Variants in DNAH9 observed in about 807,000 individuals in gnomAD.
DNAH9 encodes DNAH9 variant protein.
DNAH9 carries 345 observed loss-of-function variants against 471.6 expected under a neutral mutation model. That is an observed-to-expected ratio of 0.73 (90% CI 0.67 to 0.80). The LOEUF is 0.80. Ranked by LOEUF, DNAH9 falls within the 30% of genes least tolerant of loss-of-function variation. The pLI is 0.00. For synonymous variants in DNAH9, 2,093 were observed against 2,123.6 expected, an observed-to-expected ratio of 0.99 and a Z score of 0.40; for missense variants, 5,407 against 5,609.2, an observed-to-expected ratio of 0.96 and a Z score of 1.15.
chr17:11,965,598 A>C (rs957031412), intron 68 of DNAH9, among the ~76,000 whole-genome samples: 2 of 152,228 alleles, frequency 1.3e-5, no homozygotes, highest in African/African-American at 4.8e-5. Context: ...CACAAGGAAG[A>C]AAGCAATCAA....
intron 27 of DNAH9, among the ~76,000 whole-genome samples, chr17:11,726,762 C>A (rs557946791): frequency 6.6e-6 from 1 of 152,132 alleles, no homozygotes; most frequent in East Asian, 1.9e-4. Flanking sequence ...AAAATGCCCA[C>A]TGAAGGCTGG....
intron 9 of DNAH9, 81 bp downstream of exon 9, chr17:11,636,865 G>A (rs879234347): frequency 7.9e-7 from 1 of 1,263,448 alleles, no homozygotes; most frequent in Non-Finnish European, 1.1e-6. Context: ...TTTGTTAAAT[G>A]TCCATGTATG....
At chr17:11,807,685 G>T (rs781615936) in intron 43 of DNAH9, 47 bp from the exon 44 acceptor site, 3 of 1,565,138 alleles carry the variant, frequency 1.9e-6, no homozygotes, top group Non-Finnish European at 2.6e-6. Context: ...GCTTCTGACT[G>T]CAGAAAGTCT....
At chr17:11,897,045 A>T (rs12709290) in intron 59 of DNAH9, among the ~76,000 whole-genome samples, 1 of 152,104 alleles carries the variant, frequency 6.6e-6, no homozygotes, top group Non-Finnish European at 1.5e-5. Flanking sequence ...AGCTGAGATC[A>T]CTTTGCGCTC....
At chr17:11,609,017 T>A (rs965869196) in intron 2 of DNAH9, among the ~76,000 whole-genome samples, 1 of 152,186 alleles carries the variant, frequency 6.6e-6, no homozygotes, top group African/African-American at 2.4e-5. Flanking sequence ...AGGCTATGCA[T>A]ATAAATATTA....
intron 56 of DNAH9, among the ~76,000 whole-genome samples, chr17:11,884,078 G>A (rs996497393): frequency 6.6e-6 from 1 of 152,174 alleles, no homozygotes; most frequent in Non-Finnish European, 1.5e-5. Context: ...CAGATAGTGT[G>A]TGGAATTGCC....
intron 67 of DNAH9, among the ~76,000 whole-genome samples, chr17:11,946,507 C>CAA (rs200788637): frequency 6.7e-6 from 1 of 148,452 alleles, no homozygotes; most frequent in African/African-American, 2.5e-5. Flanking sequence ...ACTAAAAATA[C>CAA]AAAAAAAATA....
intron 49 of DNAH9, among the ~76,000 whole-genome samples, chr17:11,837,589 C>G (rs1167282044): frequency 6.6e-6 from 1 of 152,256 alleles, no homozygotes; most frequent in Non-Finnish European, 1.5e-5. Context: ...AAGTTGCTCT[C>G]TCTGCTCCTA....
chr17:11,932,134 T>C lies in DNAH9; in HGVS notation c.12226T>C (p.Tyr4076His), dbSNP rs781430542. Residue 4076 changes from tyrosine to histidine, a missense_variant, in exon 64 of 69, where the codon TAC (tyrosine) becomes CAC (histidine). Physicochemically the swap from Tyr to His is moderately conservative, Grantham distance 83. This residue lies in a region of DNAH9 where 4,636 missense variants were observed against 4,900.3 expected (regional missense o/e 0.95). Coordinates refer to ENST00000262442, the MANE Select transcript of DNAH9 (RefSeq NM_001372.4). The surrounding 1 kb of genome is among the most constrained non-coding windows in gnomAD (Gnocchi z 4.3). ...TGGGCCCCAGGGATGGAATCGCTCATACCCCTTTAACACTGGAGACCTCAC... is the reference window on the plus strand; with the variant it reads ...TGGGCCCCAGGGATGGAATCGCTCACACCCCTTTAACACTGGAGACCTCAC... The part of the protein sequence containing the change: ...KFGPQGWNRS[Y>H]PFNTGDLTIS... 9.9e-6 allele frequency: 16 copies of C among 1,614,156 alleles called. No individual in the cohort carries two copies. Among genetic ancestry groups the C allele is most frequent in the Non-Finnish European group, 1.3e-5 (15 of 1,180,038 alleles).
chr17:11,703,377 G>A (rs899762290), intron 24 of DNAH9, among the ~76,000 whole-genome samples: 15 of 152,156 alleles, frequency 9.9e-5, no homozygotes, highest in African/African-American at 3.6e-4. Flanking sequence ...TTCACAAAGG[G>A]AGTAAATCCC....
At chr17:11,625,399 AT>A (rs1312930184) in intron 6 of DNAH9, among the ~76,000 whole-genome samples, 47 of 152,164 alleles carry the variant, frequency 3.1e-4, no homozygotes, top group Non-Finnish European at 1.2e-4. Flanking sequence ...TCTGAGCCGA[AT>A]TGGGTATCTT....
chr17:11,839,535 T>G (rs990496020), intron 49 of DNAH9, among the ~76,000 whole-genome samples: 23 of 149,574 alleles, frequency 1.5e-4, no homozygotes, highest in African/African-American at 3.7e-4. Context: ...AAAAAGAAAA[T>G]AACTCAAATA....
At chr17:11,705,465 C>T (rs2074683427) in intron 26 of DNAH9, 1 of 305,874 alleles carries the variant, frequency 3.3e-6, no homozygotes, top group South Asian at 1.0e-4. Flanking sequence ...CACATACCAG[C>T]TGTTTGATTA....
chr17:11,888,744 C>T (rs1327048560), intron 57 of DNAH9, among the ~76,000 whole-genome samples: 1 of 152,192 alleles, frequency 6.6e-6, no homozygotes, highest in Non-Finnish European at 1.5e-5. Context: ...AACCACAATG[C>T]ATTTAGAAGC....
intron 19 of DNAH9, among the ~76,000 whole-genome samples, chr17:11,686,881 T>C (rs1459941799): frequency 1.3e-5 from 2 of 152,248 alleles, no homozygotes; most frequent in African/African-American, 2.4e-5. Context: ...TGTGGGCTTT[T>C]AGAATTTGCT....
intron 28 of DNAH9, among the ~76,000 whole-genome samples, chr17:11,729,028 C>T (rs1034771978): frequency 3.3e-5 from 5 of 152,092 alleles, no homozygotes; most frequent in Non-Finnish European, 5.9e-5. Context: ...CAAGTTCGAA[C>T]CCAATAGTAG....
At chr17:11,944,618 C>A (rs766502975) in intron 67 of DNAH9, among the ~76,000 whole-genome samples, 1 of 152,140 alleles carries the variant, frequency 6.6e-6, no homozygotes, top group Non-Finnish European at 1.5e-5. Flanking sequence ...GGTCCCACTG[C>A]GAAATGGAAG....
intron 10 of DNAH9, 56 bp from the exon 11 acceptor site, chr17:11,644,575 A>G (rs1417639121): frequency 7.5e-7 from 1 of 1,325,370 alleles, no homozygotes; most frequent in Non-Finnish European, 1.1e-6. Flanking sequence ...TGTTCCTCGG[A>G]TTATTACTTT....
chr17:11,775,622 T>TG (rs1968392486), intron 38 of DNAH9, among the ~76,000 whole-genome samples: 1 of 134,894 alleles, frequency 7.4e-6, no homozygotes, highest in African/African-American at 2.9e-5. Context: ...TTTTTTTTTT[T>TG]GAGACAGAGT....
Sources: gnomAD v4.1 joint callset for allele counts (sites outside exome capture counted in the v4.1 genomes callset) on GRCh38, gnomAD v4.1.1 for gene constraint, gnomAD v4.1.1 regional missense constraint, Gnocchi (gnomAD v3.1) non-coding constraint, MANE v1.5 for transcripts, NCBI Gene and HGNC (gene_info 2026-07-23, HGNC 2026-07-21) for gene names.